Variants in APOB observed in about 807,000 individuals in gnomAD.
APOB encodes apolipoprotein B-100.
Under a neutral mutation model 314.1 loss-of-function variants are expected in APOB, and 153 were observed. The ratio of observed to expected loss-of-function variants is 0.49; its 90% CI spans 0.43 to 0.56. APOB has a LOEUF of 0.56. APOB is among the 20% of genes least tolerant of loss of function. The pLI, the probability that APOB is intolerant of heterozygous loss-of-function variation, is 0.00. For missense variants in APOB, 5,430 were observed against 5,350.7 expected (o/e 1.01, Z -0.46); for synonymous variants, 2,087 against 2,036.4 (o/e 1.02, Z -0.67).
chr2:21,043,449 A>C, intron 2 of APOB, 64 bp downstream of exon 2: 780 of 1,462,020 alleles, frequency 5.3e-4, no homozygotes, highest in Non-Finnish European at 6.7e-4. Flanking sequence ...GCCCTCAGGG[A>C]CCCGGGTGTA....
At chr2:21,037,347 AG>A in intron 5 of APOB, 92 bp from the exon 6 acceptor site, 1 of 1,338,844 alleles carries the variant, frequency 7.5e-7, no homozygotes, top group East Asian at 2.4e-5. Flanking sequence ...TGAAAGAAAA[AG>A]CAGAAGGAAT....
intron 10 of APOB, among the ~76,000 whole-genome samples, chr2:21,031,613 A>G (rs753098373): frequency 6.6e-6 from 1 of 152,222 alleles, no homozygotes; most frequent in Non-Finnish European, 1.5e-5. Flanking sequence ...AAATGTAAAA[A>G]AGAAAAAGCC....
chr2:21,001,778 CATGACTGTGGTTG>C lies in APOB; in HGVS notation c.13631_13643del (p.Ser4544Ter), dbSNP rs1451680447. On this transcript the variant is annotated frameshift_variant, in exon 29 of 29. Coordinates refer to ENST00000233242, the MANE Select transcript of APOB (RefSeq NM_000384.3). LOFTEE classifies it high-confidence loss of function. ...CTGGAGCAAGCTTCATGTAGGGGTTCATGACTGTGGTTGATTGCAGCTTTTTCAGTAACTCCGT... is the reference window on the plus strand; with the variant it reads ...CTGGAGCAAGCTTCATGTAGGGGTTCATTGCAGCTTTTTCAGTAACTCCGT... The C allele has an allele frequency of 3.1e-6, 5 of 1,613,978 alleles. No homozygotes were observed. In the South Asian group the frequency reaches 5.5e-5, roughly 18 times the overall value.
chr2:21,005,998 C>G lies in APOB; in HGVS notation c.10870G>C (p.Ala3624Pro), dbSNP rs1663126286. 6.2e-7 allele frequency: 1 copy of G among 1,613,966 alleles called. No homozygotes were observed. The highest frequency in any genetic ancestry group is 8.5e-7 in the Non-Finnish European group (1 of 1,179,954). Residue 3624 changes from alanine (A) to proline (P), a missense_variant, in exon 26 of 29, where the codon GCT becomes CCT. Physicochemically the swap from Ala to Pro is conservative, Grantham distance 27. Around this residue, in one of 3 missense-constraint regions of APOB, gnomAD observed 3,281 missense variants for 3,171.0 expected, o/e 1.03. Coordinates refer to ENST00000233242, the MANE Select transcript of APOB (RefSeq NM_000384.3). ...CTGATCTTCTGGTTCTTAGTGTTAG[C>G]ATTCAGGGCCACTTCCTGGCCAAGG... ...PDLGQEVALN[A>P]NTKNQKIRWK... is the part of the protein sequence containing the mutation.
chr2:21,022,572 G>A (rs1444689897), intron 18 of APOB, among the ~76,000 whole-genome samples: 1 of 152,124 alleles, frequency 6.6e-6, no homozygotes, highest in African/African-American at 2.4e-5. Flanking sequence ...TAAGCAGTAG[G>A]TCTTAATAAG....
In APOB at chr2:21,012,489, G is replaced by C; in HGVS notation, c.4379C>G (p.Ser1460Cys). The C allele has an allele frequency of 6.2e-7, 1 of 1,614,148 alleles. No individual in the cohort carries two copies. The highest frequency in any genetic ancestry group is 2.2e-5 in the East Asian group (1 of 44,892). The change falls in exon 26 of 29, where the codon TCC becomes TGC. Residue 1460 changes from serine (S) to cysteine (C), a missense_variant. By Grantham distance (112) the Ser-to-Cys change is moderately radical (BLOSUM62 -1). Around this residue, in one of 3 missense-constraint regions of APOB, gnomAD observed 2,085 missense variants for 2,079.7 expected, o/e 1.00. Transcript: ENST00000233242. ...KGLLIFDASS[S>C]WGPQMSASVH... ...TGAAGCAGACATCTGTGGTCCCCAG[G>C]AACTAGATGCATCGAATATTAGTAA... is the stretch of plus-strand genomic sequence containing the variant.
At chr2:21,042,002 A>G (rs1458726584) in intron 3 of APOB, among the ~76,000 whole-genome samples, 1 of 152,210 alleles carries the variant, frequency 6.6e-6, no homozygotes, top group Non-Finnish European at 1.5e-5. Context: ...ACTGCATTTC[A>G]CAGTGCGATT....
In APOB at chr2:21,012,078, A is replaced by T. The variant is rs763738101; in HGVS notation, c.4790T>A (p.Leu1597Gln). The change falls in exon 26 of 29, where the codon CTG becomes CAG. Residue 1597 changes from leucine (L) to glutamine (Q), a missense_variant. Physicochemically the swap from Leu to Gln is moderately radical, Grantham distance 113. This residue lies in a region of APOB where 2,085 missense variants were observed against 2,079.7 expected (regional missense o/e 1.00). Coordinates refer to ENST00000233242, the MANE Select transcript of APOB (RefSeq NM_000384.3). The part of the protein sequence containing the change: ...MDMTFSKQNA[L>Q]LRSEYQADYE... ...ATCAGCCTGATATTCAGAACGCAGCAGTGCATTTTGCTTAGAGAAGGTCAT... is the reference window on the plus strand; with the variant it reads ...ATCAGCCTGATATTCAGAACGCAGCTGTGCATTTTGCTTAGAGAAGGTCAT... The T allele has an allele frequency of 1.2e-6, 2 of 1,614,182 alleles. No homozygotes were observed. The highest frequency in any genetic ancestry group is 2.2e-5 in the South Asian group (2 of 91,068).
Position 21,006,336 on chromosome 2 carries a change from C to A in APOB, c.10532G>T (p.Gly3511Val). The A allele has an allele frequency of 6.2e-7, 1 of 1,614,010 alleles. No individual in the cohort carries two copies. The highest frequency in any genetic ancestry group is 8.5e-7 in the Non-Finnish European group (1 of 1,179,960). Residue 3511 changes from glycine to valine, a missense_variant, in exon 26 of 29, where the codon GGA becomes GTA. By Grantham distance (109) the Gly-to-Val change is moderately radical. This residue lies in a region of APOB where 3,281 missense variants were observed against 3,171.0 expected (regional missense o/e 1.03). Transcript: ENST00000233242. The part of the protein sequence containing the change: ...KGSVLSREYS[G>V]TIASEANTYL... ...AGTGTTGGCCTCACTAGCAATAGTT[C>A]CTGAATATTCCCGAGAAAGAACCGA... is the stretch of plus-strand genomic sequence containing the variant.
rs1426908772 is a variant in APOB at position 21,005,200 on chromosome 2, C to T, written c.11668G>A (p.Asp3890Asn). The change falls in exon 26 of 29, where the codon GAC becomes AAC. Residue 3890 changes from aspartate to asparagine, a missense_variant. Coordinates refer to ENST00000233242, the MANE Select transcript of APOB (RefSeq NM_000384.3). The stretch of plus-strand genomic sequence containing the variant: ...CAAGTGGCATTATACACGGGAGAGT[C>T]TACCTCAAAGCGTGCAGTCAGTGCT... ...FQALTARFEV[D>N]SPVYNATWSA... is the part of the protein sequence containing the mutation. The T allele has an allele frequency of 1.9e-6, 3 of 1,613,936 alleles. No homozygotes were observed. Among genetic ancestry groups the T allele is most frequent in the Admixed American group, 3.3e-5 (2 of 59,990 alleles).
chr2:21,034,949 A>G (rs1024866971), intron 7 of APOB, 48 bp from the exon 8 acceptor site: 1 of 931,390 alleles, frequency 1.1e-6, no homozygotes, highest in Admixed American at 1.7e-5. Flanking sequence ...AGAACATACT[A>G]TTCTTTCCAT....
intron 7 of APOB, 42 bp downstream of exon 7, chr2:21,035,542 G>C (rs1663980872): frequency 6.2e-7 from 1 of 1,611,776 alleles, no homozygotes; most frequent in African/African-American, 1.3e-5. Context: ...AGTTCACACT[G>C]ACCCATTAAA....
chr2:21,009,291 A>T lies in APOB; in HGVS notation c.7577T>A (p.Met2526Lys). The T allele has an allele frequency of 6.2e-7, 1 of 1,614,116 alleles. No individual in the cohort carries two copies. Reference protein sequence around the residue: ...LEDTRDRMYQMDIQQELQRYL... With the variant: ...LEDTRDRMYQKDIQQELQRYL... ...TCGTTGAAGTTCCTGCTGAATGTCC[A>T]TTTGATACATTCGGTCTCGTGTATC... is the stretch of plus-strand genomic sequence containing the variant. Residue 2526 changes from methionine (M) to lysine (K), a missense_variant, in exon 26 of 29, where the codon ATG (methionine) becomes AAG (lysine). Physicochemically the swap from Met to Lys is moderately conservative, Grantham distance 95. Around this residue, in one of 3 missense-constraint regions of APOB, gnomAD observed 3,281 missense variants for 3,171.0 expected, o/e 1.03. Coordinates refer to ENST00000233242, the MANE Select transcript of APOB (RefSeq NM_000384.3).
At position 21,005,396 on chromosome 2, in the gene APOB, C is replaced by T; in HGVS notation, c.11472G>A (p.Gln3824=). The stretch of plus-strand genomic sequence containing the variant: ...CTGAAACACTTTTTGGAAGCGTGAA[C>T]TGGGACACAGTTAACTGAGATTCAG... ...TVPESQLTVS[Q]FTLPKSVSDG... Residue 3824 remains glutamine, a synonymous_variant, in exon 26 of 29, where the codon CAG becomes CAA. Transcript: ENST00000233242. The T allele has an allele frequency of 6.2e-7, 1 of 1,614,048 alleles. No individual in the cohort carries two copies. The highest frequency in any genetic ancestry group is 8.5e-7 in the Non-Finnish European group (1 of 1,179,962).
chr2:21,039,797 C>T (rs987747437), intron 4 of APOB, among the ~76,000 whole-genome samples: 1 of 152,186 alleles, frequency 6.6e-6, no homozygotes, highest in African/African-American at 2.4e-5. Flanking sequence ...ACTCTTTCCT[C>T]CTGCCACCAT....
intron 21 of APOB, 36 bp downstream of exon 21, chr2:21,016,403 T>C (rs1345992830): frequency 9.0e-7 from 1 of 1,106,060 alleles, no homozygotes; most frequent in Non-Finnish European, 1.4e-6. Flanking sequence ...CACCCAGGCC[T>C]GCAGTGCAGG....
chr2:21,031,692 T>C lies in APOB; in HGVS notation c.1352+662A>G, dbSNP rs12720768. 9.5e-3 allele frequency among the ~76,000 whole-genome samples: 1,450 copies of C among 152,062 alleles called. 6 individuals carry two copies. Among genetic ancestry groups the C allele is most frequent in the South Asian group, 0.02 (98 of 4,816 alleles). ...GGTGAAACCCTGTATCTACCAAGAA[T>C]ACAAAAATTAGCCAGGGCATGGTAG... is the stretch of plus-strand genomic sequence containing the variant. On this transcript the variant is annotated intron_variant, in intron 10 of 28. Transcript: ENST00000233242.
intron 18 of APOB, among the ~76,000 whole-genome samples, chr2:21,022,426 C>T (rs1182803027): frequency 6.6e-6 from 1 of 152,086 alleles, no homozygotes; most frequent in Non-Finnish European, 1.5e-5. Flanking sequence ...TACCTAGCTA[C>T]CTCAAATCAA....
chr2:21,017,478 G>A (rs907242425), intron 20 of APOB, among the ~76,000 whole-genome samples: 1 of 152,176 alleles, frequency 6.6e-6, no homozygotes, highest in African/African-American at 2.4e-5. Context: ...CATGTGGGCA[G>A]AGACCAGAAT....
Sources: allele counts gnomAD v4.1 joint callset (sites outside exome capture counted in the v4.1 genomes callset), GRCh38; gene constraint gnomAD v4.1.1; regional missense constraint gnomAD v4.1.1; transcripts MANE v1.5; gene names NCBI Gene and HGNC (gene_info 2026-07-23, HGNC 2026-07-21).